The following PDXDC1 variants were observed in gnomAD, a reference collection of about 807,000 sequenced individuals.
The protein encoded by PDXDC1 is pyridoxal-dependent decarboxylase domain-containing protein 1.
Under a neutral mutation model 100.1 loss-of-function variants are expected in PDXDC1, and 42 were observed. The observed-to-expected ratio is 0.42, with a 90% CI of 0.33 to 0.54. The LOEUF (loss-of-function observed/expected upper bound fraction) is 0.54. Ranked by LOEUF, PDXDC1 falls within the 20% of genes least tolerant of loss-of-function variation. The probability of loss-of-function intolerance (pLI) is 0.10; values close to 1 mark genes in which losing one functional copy is unlikely to be tolerated. For synonymous variants in PDXDC1, 260 were observed against 371.7 expected (o/e 0.70, Z 3.46); for missense variants, 636 against 979.2 (o/e 0.65, Z 4.68).
Position 15,027,035 on chromosome 16 carries a change from C to CA in PDXDC1, c.1204+329_1204+330insA, listed in dbSNP as rs1555565655. Among the ~76,000 whole-genome samples the CA allele has an allele frequency of 2.6e-5, 4 of 152,054 alleles. No individual in the cohort carries two copies. In the East Asian group the frequency reaches 7.8e-4, roughly 30 times the overall value. On this transcript the variant is annotated intron_variant, in intron 14 of 22. Transcript: ENST00000396410. ...ATAGGTTGTGCCCAGGAATCTGTATCTTAAAGAATGACCCAAGTGCCACCA... is the reference window on the plus strand; with the variant it reads ...ATAGGTTGTGCCCAGGAATCTGTATCATTAAAGAATGACCCAAGTGCCACCA...
intron 16 of PDXDC1, among the ~76,000 whole-genome samples, chr16:15,081,935 G>C (rs925810146): frequency 2.6e-5 from 4 of 152,054 alleles, no homozygotes; most frequent in Non-Finnish European, 5.9e-5. Context: ...CAATTGTCTT[G>C]AACAACTGGT....
intron 1 of PDXDC1, among the ~76,000 whole-genome samples, chr16:14,978,969 C>G (rs1597239414): frequency 6.6e-6 from 1 of 152,286 alleles, no homozygotes; most frequent in African/African-American, 2.4e-5. Context: ...GTCGCACTCC[C>G]TACACCCAGT....
chr16:15,071,366 C>G, intron 16 of PDXDC1: 1 of 959,252 alleles, frequency 1.0e-6, no homozygotes, highest in Admixed American at 2.4e-5. Flanking sequence ...TATCTCATAA[C>G]TATCTCATGG....
intron 16 of PDXDC1, chr16:15,133,935 A>G (rs904814837): frequency 2.1e-6 from 3 of 1,450,118 alleles, no homozygotes; most frequent in Non-Finnish European, 2.8e-6. Context: ...GCGGCCCAGC[A>G]CCGTCAGCGT....
intron 16 of PDXDC1, among the ~76,000 whole-genome samples, chr16:15,099,426 A>AG (rs1224193051): frequency 6.6e-6 from 1 of 150,940 alleles, no homozygotes; most frequent in Non-Finnish European, 1.5e-5. Flanking sequence ...TCTCAAAAAA[A>AG]AAAAAAAAAA....
intron 16 of PDXDC1, among the ~76,000 whole-genome samples, chr16:15,078,817 T>C (rs1025390030): frequency 4.1e-4 from 61 of 149,972 alleles, no homozygotes; most frequent in African/African-American, 1.4e-3. Flanking sequence ...TTTTTCTTTT[T>C]TTTTTTTTTT....
chr16:15,104,875 C>T (rs1350956918), intron 16 of PDXDC1: 60 of 1,524,462 alleles, frequency 3.9e-5, no homozygotes, highest in Admixed American at 2.0e-4. Context: ...CCTTTCCATC[C>T]TCCAGGTTTC....
intron 16 of PDXDC1, chr16:15,110,473 C>CA (rs2046999110): frequency 6.3e-7 from 1 of 1,587,316 alleles, no homozygotes; most frequent in African/African-American, 1.3e-5. Flanking sequence ...CTTTTGTTGT[C>CA]ACCTTCATCT....
chr16:15,134,126 C>T (rs1189652665), intron 16 of PDXDC1: 1 of 1,365,522 alleles, frequency 7.3e-7, no homozygotes, highest in Non-Finnish European at 1.0e-6. Context: ...CTGTCAGCCC[C>T]ACTTCTGCCT....
At chr16:15,130,229 G>A (rs573623969) in intron 16 of PDXDC1, 2 of 1,551,192 alleles carry the variant, frequency 1.3e-6, no homozygotes, top group East Asian at 2.4e-5. Context: ...CATGGCTTGG[G>A]GGCACGAAGA....
chr16:14,989,986 C>A, intron 1 of PDXDC1: 1 of 1,461,304 alleles, frequency 6.8e-7, no homozygotes, highest in Admixed American at 2.6e-5. Context: ...GGCTCGGTGG[C>A]GCCCGGCTCA....
rs536465694 is a variant in PDXDC1 at position 15,063,354 on chromosome 16, T to C, written c.1399+33298T>C. 1.2e-5 allele frequency: 14 copies of C among 1,129,302 alleles called. No individual in the cohort carries two copies. In the East Asian group the frequency reaches 2.3e-4, roughly 19 times the overall value. 70.0% of individuals were successfully genotyped at this position (1,129,302 alleles called of 1,614,324 possible). On this transcript the variant is annotated intron_variant, in intron 16 of 16. Transcript: ENST00000535621. ...AGAAGTCAAAATTGGTTTGGATCTT[T>C]TCTCACAAGATCTATTACCCAAAAC...
intron 16 of PDXDC1, among the ~76,000 whole-genome samples, chr16:15,046,760 AG>A: frequency 6.8e-6 from 1 of 147,984 alleles, no homozygotes; most frequent in African/African-American, 2.5e-5. Context: ...CTGTGGTCCC[AG>A]CTACTTGGGA....
intron 16 of PDXDC1, among the ~76,000 whole-genome samples, chr16:15,089,184 G>A (rs1424336256): frequency 1.3e-5 from 2 of 152,092 alleles, no homozygotes; most frequent in African/African-American, 2.4e-5. Flanking sequence ...ACAGCTACTC[G>A]GGAGGCTGAG....
the PDXDC1 span, among the ~76,000 whole-genome samples, chr16:15,151,953 A>C: frequency 8.1e-5 from 9 of 110,432 alleles, no homozygotes; most frequent in East Asian, 5.1e-4. Context: ...AAAAAAAAAA[A>C]CACATGGGTC....
chr16:15,009,424 A>G, intron 7 of PDXDC1: 1 of 593,456 alleles, frequency 1.7e-6, no homozygotes, highest in East Asian at 3.3e-5. Flanking sequence ...TTTAAATGTA[A>G]ATGTTTAAAA....
intron 16 of PDXDC1, among the ~76,000 whole-genome samples, chr16:15,097,724 CACTT>C (rs2046407007): frequency 1.3e-5 from 2 of 151,734 alleles, no homozygotes; most frequent in Non-Finnish European, 2.9e-5. Context: ...GGACAATTGA[CACTT>C]ACTCTGTGCT....
intron 16 of PDXDC1, chr16:15,131,436 A>G: frequency 1.2e-6 from 2 of 1,608,504 alleles, no homozygotes; most frequent in Admixed American, 3.3e-5. Context: ...CCCTGCTGAA[A>G]GCCTAGGGGA....
chr16:15,095,820 A>G (rs1368402671), intron 16 of PDXDC1, among the ~76,000 whole-genome samples: 1 of 151,322 alleles, frequency 6.6e-6, no homozygotes, highest in Non-Finnish European at 1.5e-5. Flanking sequence ...ATTGCACTCC[A>G]GCCTGGGTGA....
Sources: allele counts gnomAD v4.1 joint callset (sites outside exome capture counted in the v4.1 genomes callset), GRCh38; gene constraint gnomAD v4.1.1; transcripts MANE v1.5; gene names NCBI Gene and HGNC (gene_info 2026-07-23, HGNC 2026-07-21).